Variants in ZNF385D observed in about 807,000 individuals in gnomAD.
The protein encoded by ZNF385D is zinc finger protein 659.
In ZNF385D, 15 loss-of-function variants were observed where a neutral mutation model predicts 35.8. The observed-to-expected ratio is 0.42, with a 90% CI of 0.28 to 0.64. The LOEUF (loss-of-function observed/expected upper bound fraction) is 0.64, where lower values mean the gene tolerates loss of function less well. Ranked by LOEUF, ZNF385D falls within the 30% of genes least tolerant of loss-of-function variation. The pLI is 0.23. For missense variants in ZNF385D, 474 were observed against 494.6 expected (o/e 0.96, Z 0.39); for synonymous variants, 212 against 186.8 (o/e 1.13, Z -1.10).
At chr3:21,495,502 T>C (rs1705766293) in intron 4 of ZNF385D, among the ~76,000 whole-genome samples, 1 of 152,224 alleles carries the variant, frequency 6.6e-6, no homozygotes, top group Non-Finnish European at 1.5e-5. Context: ...TCTTTGAAAC[T>C]AATGAGTGCA....
At chr3:21,964,252 T>A (rs1702753436) in intron 3 of ZNF385D, among the ~76,000 whole-genome samples, 1 of 151,668 alleles carries the variant, frequency 6.6e-6, no homozygotes, top group African/African-American at 2.4e-5. Context: ...GTCTCCTTCA[T>A]TCGCTAAAAA....
At chr3:22,042,324 C>A (rs1698716379) in intron 3 of ZNF385D, among the ~76,000 whole-genome samples, 1 of 151,916 alleles carries the variant, frequency 6.6e-6, no homozygotes, top group Non-Finnish European at 1.5e-5. Flanking sequence ...AGTGTATGGC[C>A]CATATTAAGT....
chr3:22,093,131 C>A (rs1421918434), intron 3 of ZNF385D, among the ~76,000 whole-genome samples: 1 of 151,770 alleles, frequency 6.6e-6, no homozygotes, highest in Non-Finnish European at 1.5e-5. Context: ...CAATTTATTG[C>A]ATTTAATAAA....
chr3:22,323,598 G>C (rs1246097775), intron 2 of ZNF385D, among the ~76,000 whole-genome samples: 1 of 152,050 alleles, frequency 6.6e-6, no homozygotes. Flanking sequence ...ATTTTCAATG[G>C]AAGTAGTACT....
At position 21,971,481 on chromosome 3, in the gene ZNF385D, A is replaced by G. The variant is rs556120110; in HGVS notation, c.325+197336T>C. Reference sequence around the variant, plus strand: ...TCTCAAATCAAAAAAAATAATGGATACACAAAAATAAAAAGTAAAAGATGA... The same window carrying G: ...TCTCAAATCAAAAAAAATAATGGATGCACAAAAATAAAAAGTAAAAGATGA... On this transcript the variant is annotated intron_variant, in intron 3 of 5. Transcript: ENST00000494108. 9.2e-5 allele frequency among the ~76,000 whole-genome samples: 14 copies of G among 152,034 alleles called. No homozygotes were observed. In the South Asian group the frequency reaches 2.7e-3, roughly 29 times the overall value.
At chr3:22,321,522 C>A (rs143092474) in intron 2 of ZNF385D, among the ~76,000 whole-genome samples, 8 of 151,902 alleles carry the variant, frequency 5.3e-5, no homozygotes, top group African/African-American at 1.9e-4. Context: ...CCCGCCACCA[C>A]GCCCGGCTAA....
At chr3:22,259,978 C>T (rs1301911841) in intron 2 of ZNF385D, among the ~76,000 whole-genome samples, 1 of 151,826 alleles carries the variant, frequency 6.6e-6, no homozygotes, top group Non-Finnish European at 1.5e-5. Context: ...ATTGTTAGGA[C>T]ACGAAAAGGT....
intron 3 of ZNF385D, among the ~76,000 whole-genome samples, chr3:21,880,751 C>G (rs911707605): frequency 6.6e-6 from 1 of 151,982 alleles, no homozygotes; most frequent in Admixed American, 6.6e-5. Flanking sequence ...AAGTAGGTCT[C>G]TCCTGCCAAA....
At position 22,236,694 on chromosome 3, in the gene ZNF385D, T is replaced by A. The variant is rs566361383; in HGVS notation, c.107-67659A>T. ...ATCACTACAAAATGAAACCCCATAA[T>A]GATTAGCAGTCACTCTCTATTCCTA... On this transcript the variant is annotated intron_variant, in intron 2 of 5. Transcript: ENST00000494108. 3.3e-5 allele frequency among the ~76,000 whole-genome samples: 5 copies of A among 152,282 alleles called. No individual in the cohort carries two copies. In the South Asian group the frequency reaches 8.3e-4, roughly 25 times the overall value.
At chr3:22,150,771 G>A (rs1356113649) in intron 3 of ZNF385D, among the ~76,000 whole-genome samples, 1 of 151,998 alleles carries the variant, frequency 6.6e-6, no homozygotes, top group Admixed American at 6.6e-5. Context: ...TATATAATTA[G>A]TAGAAGCTTT....
intron 3 of ZNF385D, among the ~76,000 whole-genome samples, chr3:22,028,521 G>C (rs2125471649): frequency 6.6e-6 from 1 of 152,284 alleles, no homozygotes; most frequent in East Asian, 1.9e-4. Context: ...CCAGCTACCT[G>C]GTGGCAGGTT....
At chr3:22,299,373 T>C (rs1460747464) in intron 2 of ZNF385D, among the ~76,000 whole-genome samples, 3 of 151,842 alleles carry the variant, frequency 2.0e-5, no homozygotes, top group Non-Finnish European at 4.4e-5. Context: ...GGAACTTGCA[T>C]GCTGAATATT....
At chr3:22,191,703 T>C (rs1322590359) in intron 2 of ZNF385D, among the ~76,000 whole-genome samples, 1 of 152,180 alleles carries the variant, frequency 6.6e-6, no homozygotes, top group African/African-American at 2.4e-5. Context: ...GTAGTACTTG[T>C]ACTTGTAAAA....
chr3:21,670,660 CCCCCCCCCCCCCCAA>C (rs1559505427), intron 1 of ZNF385D, among the ~76,000 whole-genome samples: 116 of 7,982 alleles, frequency 0.015, 13 homozygotes, highest in Non-Finnish European at 0.02. Context: ...GCCCCCCCCC[CCCCCCCCCCCCCCAA>C]TGACTGAACG....
chr3:21,748,473 T>C (rs2069891040), intron 1 of ZNF385D, among the ~76,000 whole-genome samples: 1 of 152,058 alleles, frequency 6.6e-6, no homozygotes, highest in Non-Finnish European at 1.5e-5. Flanking sequence ...ATAAAGGAAG[T>C]AAATATCCCG....
At chr3:21,504,106 G>A (rs1409857889) in intron 4 of ZNF385D, among the ~76,000 whole-genome samples, 2 of 152,108 alleles carry the variant, frequency 1.3e-5, no homozygotes, top group Non-Finnish European at 2.9e-5. Flanking sequence ...TTATGTAATA[G>A]AACCAGGGAG....
intron 3 of ZNF385D, among the ~76,000 whole-genome samples, chr3:22,151,962 C>T (rs150832703): frequency 0.017 from 2,524 of 152,198 alleles, 27 homozygotes; most frequent in Non-Finnish European, 0.027. Context: ...GGCACTAAGC[C>T]TAGTACTCAG....
At chr3:22,110,002 G>A (rs909534592) in intron 3 of ZNF385D, among the ~76,000 whole-genome samples, 2 of 152,118 alleles carry the variant, frequency 1.3e-5, no homozygotes, top group Non-Finnish European at 2.9e-5. Context: ...CCTCTCAAAA[G>A]AAGACATTTA....
At chr3:22,144,917 C>G (rs1704750222) in intron 3 of ZNF385D, among the ~76,000 whole-genome samples, 1 of 151,916 alleles carries the variant, frequency 6.6e-6, no homozygotes. Flanking sequence ...TGATGAAAAA[C>G]ATATAAAATA....
Sources: allele counts gnomAD v4.1 joint callset (sites outside exome capture counted in the v4.1 genomes callset), GRCh38; gene constraint gnomAD v4.1.1; transcripts MANE v1.5; gene names NCBI Gene and HGNC (gene_info 2026-07-23, HGNC 2026-07-21).